The following OSTN variants were observed in gnomAD, a reference collection of about 807,000 sequenced individuals.
The protein encoded by OSTN is osteocrin.
OSTN carries 9 observed loss-of-function variants against 12.0 expected under a neutral mutation model. The observed-to-expected ratio is 0.75, with a 90% CI of 0.45 to 1.30. The LOEUF (loss-of-function observed/expected upper bound fraction) is 1.30. Ranked by LOEUF, OSTN falls within the 50% of genes most tolerant of loss-of-function variation. The pLI is 0.00. For missense variants in OSTN, 148 were observed against 152.3 expected (o/e 0.97, Z 0.15); for synonymous variants, 59 against 56.9 (o/e 1.04, Z -0.16).
intron 2 of OSTN, among the ~76,000 whole-genome samples, chr3:191,214,580 A>G (rs1469360141): frequency 1.3e-5 from 2 of 151,282 alleles, no homozygotes; most frequent in Non-Finnish European, 1.5e-5. Context: ...AGGAGGCTCA[A>G]TAGCTTTCAG....
chr3:191,242,893 A>G (rs1715352946), intron 3 of OSTN, among the ~76,000 whole-genome samples: 1 of 152,164 alleles, frequency 6.6e-6, no homozygotes, highest in African/African-American at 2.4e-5. Flanking sequence ...ATGGGAGTAG[A>G]TATTTGAAAT....
At chr3:191,227,095 A>C (rs1304303959) in intron 3 of OSTN, among the ~76,000 whole-genome samples, 1 of 152,144 alleles carries the variant, frequency 6.6e-6, no homozygotes, top group Non-Finnish European at 1.5e-5. Flanking sequence ...AAAAATGTTT[A>C]TGACTTATAT....
intron 3 of OSTN, among the ~76,000 whole-genome samples, chr3:191,247,886 G>T (rs1425648346): frequency 6.6e-6 from 1 of 151,874 alleles, no homozygotes; most frequent in Non-Finnish European, 1.5e-5. Flanking sequence ...CAGGTTTGAG[G>T]GCAGTGGTGC....
At chr3:191,238,107 T>C (rs1050160987) in intron 3 of OSTN, among the ~76,000 whole-genome samples, 1 of 152,214 alleles carries the variant, frequency 6.6e-6, no homozygotes, top group Admixed American at 6.5e-5. Context: ...TTAGCTCTTA[T>C]TTGGTCATCT....
intron 1 of OSTN, among the ~76,000 whole-genome samples, chr3:191,204,183 C>G (rs1714218016): frequency 6.6e-6 from 1 of 152,160 alleles, no homozygotes; most frequent in Non-Finnish European, 1.5e-5. Flanking sequence ...AGCCACCGTG[C>G]CCAGCTGATA....
intron 2 of OSTN, among the ~76,000 whole-genome samples, chr3:191,217,691 C>T (rs1298866069): frequency 1.3e-5 from 2 of 152,056 alleles, no homozygotes; most frequent in Admixed American, 6.5e-5. Context: ...TGTGTAAGAA[C>T]CAAACAAGAA....
intron 1 of OSTN, among the ~76,000 whole-genome samples, chr3:191,206,703 C>T (rs1358893454): frequency 6.6e-6 from 1 of 152,222 alleles, no homozygotes; most frequent in Non-Finnish European, 1.5e-5. Context: ...CCCAACATCA[C>T]ATCACTAAAT....
chr3:191,222,602 A>G (rs922617184), intron 3 of OSTN, among the ~76,000 whole-genome samples: 1 of 152,176 alleles, frequency 6.6e-6, no homozygotes, highest in Admixed American at 6.5e-5. Flanking sequence ...TTGGACTTTT[A>G]GGTTAATGCT....
At chr3:191,241,083 A>G (rs1036074657) in intron 3 of OSTN, among the ~76,000 whole-genome samples, 2 of 148,926 alleles carry the variant, frequency 1.3e-5, no homozygotes, top group Non-Finnish European at 3.0e-5. Context: ...TTACTGAACT[A>G]TTTGAAAGAA....
chr3:191,227,038 A>G (rs1269491003), intron 3 of OSTN, among the ~76,000 whole-genome samples: 2 of 152,136 alleles, frequency 1.3e-5, no homozygotes, highest in Admixed American at 6.5e-5. Flanking sequence ...AGTTATCATG[A>G]CAAAAGATAC....
At chr3:191,232,259 G>A (rs1288052767) in intron 3 of OSTN, among the ~76,000 whole-genome samples, 2 of 149,272 alleles carry the variant, frequency 1.3e-5, no homozygotes, top group African/African-American at 5.0e-5. Context: ...TGAACACGTG[G>A]GAGGCGGAGG....
In OSTN at chr3:191,218,926, C is replaced by T; in HGVS notation, c.282C>T (p.Leu94=). The part of the protein sequence containing the change: ...FSGFGSPLDR[L]SAGSVDHKGK... ...GTTTTGGGTCTCCCCTTGACAGACT[C>T]TCAGCTGGCTCTGTAGATCACAAAG... Residue 94 remains leucine (L), a synonymous_variant, in exon 3 of 5, where the codon CTC becomes CTT. Coordinates refer to ENST00000682035, the MANE Select transcript of OSTN (RefSeq NM_198184.2). The T allele has an allele frequency of 6.2e-7, 1 of 1,614,046 alleles. No homozygotes were observed. Among genetic ancestry groups the T allele is most frequent in the Non-Finnish European group, 8.5e-7 (1 of 1,179,964 alleles).
At chr3:191,204,647 G>C (rs1223700749) in intron 1 of OSTN, among the ~76,000 whole-genome samples, 1 of 152,188 alleles carries the variant, frequency 6.6e-6, no homozygotes, top group East Asian at 1.9e-4. Context: ...CTTTCCAGCA[G>C]GTAAGTCTCT....
chr3:191,257,483 T>G (rs554189828), intron 4 of OSTN, among the ~76,000 whole-genome samples: 4 of 152,116 alleles, frequency 2.6e-5, no homozygotes, highest in African/African-American at 9.6e-5. Context: ...GAGGCATAAC[T>G]GGGATAGGAG....
At chr3:191,228,578 A>T (rs1314032890) in intron 3 of OSTN, 2 of 152,192 alleles carry the variant, frequency 1.3e-5, no homozygotes, top group East Asian at 3.8e-4. Context: ...TACTACTTCA[A>T]CAAAATTTAC....
intron 1 of OSTN, among the ~76,000 whole-genome samples, chr3:191,200,891 A>G (rs1714137731): frequency 6.6e-6 from 1 of 152,148 alleles, no homozygotes; most frequent in South Asian, 2.1e-4. Flanking sequence ...TTGGAGGCAG[A>G]AAACTAGACT....
chr3:191,241,431 G>C (rs1412190906), intron 3 of OSTN, among the ~76,000 whole-genome samples: 2 of 151,682 alleles, frequency 1.3e-5, no homozygotes, highest in African/African-American at 4.8e-5. Flanking sequence ...TGATCCACCC[G>C]CCTCGGCCTC....
intron 2 of OSTN, among the ~76,000 whole-genome samples, chr3:191,215,931 G>GT (rs1714597863): frequency 6.6e-6 from 1 of 152,188 alleles, no homozygotes; most frequent in Non-Finnish European, 1.5e-5. Flanking sequence ...CTACTGGGCA[G>GT]TACCACAGTG....
At chr3:191,236,279 T>C (rs1030666772) in intron 3 of OSTN, among the ~76,000 whole-genome samples, 4 of 152,194 alleles carry the variant, frequency 2.6e-5, no homozygotes, top group African/African-American at 9.7e-5. Context: ...TTTAATATTC[T>C]GGTACATTCT....
Sources: allele counts gnomAD v4.1 joint callset (sites outside exome capture counted in the v4.1 genomes callset), GRCh38; gene constraint gnomAD v4.1.1; transcripts MANE v1.5; gene names NCBI Gene and HGNC (gene_info 2026-07-23, HGNC 2026-07-21).